KLHL6: variants seen among roughly 807,000 people sequenced by gnomAD.
The protein encoded by KLHL6 is kelch-like protein 6.
Under a neutral mutation model 58.6 loss-of-function variants are expected in KLHL6, and 41 were observed. The observed-to-expected ratio is 0.70, with a 90% CI of 0.55 to 0.91. KLHL6 has a LOEUF of 0.91. Ranked by LOEUF, KLHL6 falls within the 40% of genes least tolerant of loss-of-function variation. The pLI, the probability that KLHL6 is intolerant of heterozygous loss-of-function variation, is 0.00. For synonymous variants in KLHL6, 338 were observed against 322.7 expected (o/e 1.05, Z -0.51); for missense variants, 714 against 805.6 (o/e 0.89, Z 1.38).
chr3:183,530,309 T>A (rs560295406), intron 1 of KLHL6, among the ~76,000 whole-genome samples: 2 of 152,200 alleles, frequency 1.3e-5, no homozygotes, highest in African/African-American at 4.8e-5. Context: ...ATATGGGCAT[T>A]AAAGATCATT....
chr3:183,491,896 C>CG lies in KLHL6; in HGVS notation c.*30dup, dbSNP rs761809848. 52 of 1,453,792 alleles carry CG rather than the reference C, an allele frequency of 3.6e-5. 1 individual carries two copies. The highest frequency in any genetic ancestry group is 8.9e-5 in the South Asian group (6 of 67,156). The allele number at this position is 1,453,792 out of a possible 1,614,324, so 90.1% of individuals were successfully genotyped here. ...GAGGTGAGGCGGGTACGCTGAGGGT[C>CG]GGGGGGGCTCTCCAGCTCCCCATCC... is the stretch of plus-strand genomic sequence containing the variant. On this transcript the variant is annotated 3_prime_UTR_variant, in exon 7 of 7. Transcript: ENST00000341319.
At chr3:183,497,572 T>G (rs2971457) in intron 4 of KLHL6, among the ~76,000 whole-genome samples, 32,400 of 152,132 alleles carry the variant, frequency 0.21, 3,655 homozygotes, top group Middle Eastern at 0.3. Flanking sequence ...ATGTGGCTAG[T>G]TTTTGCCAAT....
chr3:183,504,599 T>G (rs1717953283), intron 3 of KLHL6, among the ~76,000 whole-genome samples: 1 of 152,240 alleles, frequency 6.6e-6, no homozygotes. Flanking sequence ...CATCTGCATT[T>G]CAAGGACTTA....
In KLHL6 at chr3:183,499,931, T is replaced by G; in HGVS notation, c.910-104A>C. 2 of 758,062 alleles carry G rather than the reference T, an allele frequency of 2.6e-6. No individual in the cohort carries two copies. The highest frequency in any genetic ancestry group is 4.1e-6 in the Non-Finnish European group (2 of 486,192). 47.0% of individuals were successfully genotyped at this position (758,062 alleles called of 1,614,324 possible). A position where few individuals can be genotyped will look rare whatever the true frequency, so the allele number is the denominator to read the frequency against. ...GGTCCAATTCCCATATCTGCCACGGTATGACCATGTGACTTCACCTCCCTG... is the reference window on the plus strand; with the variant it reads ...GGTCCAATTCCCATATCTGCCACGGGATGACCATGTGACTTCACCTCCCTG... On this transcript the variant is annotated intron_variant, in intron 3 of 6. Coordinates refer to ENST00000341319, the MANE Select transcript of KLHL6 (RefSeq NM_130446.4). This position sits in a 1 kb window ranked among gnomAD's most constrained non-coding sequence, Gnocchi z 4.6.
At chr3:183,518,919 AG>A (rs1711645229) in intron 2 of KLHL6, among the ~76,000 whole-genome samples, 2 of 152,186 alleles carry the variant, frequency 1.3e-5, no homozygotes, top group Admixed American at 6.5e-5. Flanking sequence ...AGTGAGAAGC[AG>A]GGGTGGGTTC....
rs75695899 is a variant in KLHL6 at position 183,540,359 on chromosome 3, C to T, written c.294-12349G>A. Among the ~76,000 whole-genome samples, 1,136 of 152,272 alleles carry T rather than the reference C, an allele frequency of 7.5e-3. 5 individuals carry two copies. Among genetic ancestry groups the T allele is most frequent in the Non-Finnish European group, 0.011 (774 of 68,032 alleles). ...GGAGAGAGAAACTGAGTCATGGTAACATTACTTTGGGCACAAGGACCCAAC... is the reference window on the plus strand; with the variant it reads ...GGAGAGAGAAACTGAGTCATGGTAATATTACTTTGGGCACAAGGACCCAAC... On this transcript the variant is annotated intron_variant, in intron 1 of 6. Transcript: ENST00000341319.
chr3:183,492,112 A>G lies in KLHL6; in HGVS notation c.1681T>C (p.Tyr561His). ...TTCTCGTCCCGCCCGCCGGTGATGT[A>G]GAGCCGGTTGTTGCAGGGCGCGATA... ...CGIAPCNNRLYITGGRDEKNE... is the reference protein window; with the variant it reads ...CGIAPCNNRLHITGGRDEKNE... Residue 561 changes from tyrosine to histidine, a missense_variant, in exon 7 of 7, where the codon TAC (tyrosine) becomes CAC (histidine). Coordinates refer to ENST00000341319, the MANE Select transcript of KLHL6 (RefSeq NM_130446.4). The surrounding 1 kb of genome is among the most constrained non-coding windows in gnomAD (Gnocchi z 5.9). 6.2e-7 allele frequency: 1 copy of G among 1,613,882 alleles called. No homozygotes were observed. Among genetic ancestry groups the G allele is most frequent in the Middle Eastern group, 1.7e-4 (1 of 6,060 alleles).
intron 1 of KLHL6, among the ~76,000 whole-genome samples, chr3:183,530,583 C>T (rs558018917): frequency 6.6e-6 from 1 of 152,066 alleles, no homozygotes; most frequent in Admixed American, 6.6e-5. Flanking sequence ...CAAAAGGGAA[C>T]CAAAAATTAA....
At chr3:183,494,519 G>A (rs951641702) in intron 4 of KLHL6, among the ~76,000 whole-genome samples, 2 of 152,266 alleles carry the variant, frequency 1.3e-5, no homozygotes, top group African/African-American at 2.4e-5. Context: ...TCAGTGCTGC[G>A]AGAGTTCAGA....
rs747236130 is a variant in KLHL6, at chr3:183,508,411, AG to A, written c.556del (p.Leu186TrpfsTer4). 1.2e-6 allele frequency: 2 copies of A among 1,614,142 alleles called. No homozygotes were observed. The highest frequency in any genetic ancestry group is 2.7e-5 in the African/African-American group (2 of 74,944). ...GILRLADTHS[L>X]DSLKKQVQSY... ...CTGAACCTGCTTCTTTAGACTGTCC[AG>A]CGAGTGTGTGTCAGCCAGCCTCAGT... On this transcript the variant is annotated frameshift_variant, in exon 3 of 7. Transcript: ENST00000341319. LOFTEE classifies it high-confidence loss of function.
At chr3:183,544,410 A>T (rs950049075) in intron 1 of KLHL6, among the ~76,000 whole-genome samples, 1 of 152,134 alleles carries the variant, frequency 6.6e-6, no homozygotes, top group Non-Finnish European at 1.5e-5. Context: ...CATAAAACAC[A>T]AAACAGTAAC....
At position 183,555,489 on chromosome 3, in the gene KLHL6, G is replaced by C. The variant is rs776376674; in HGVS notation, c.165C>G (p.Ser55=). Residue 55 remains serine (S), a synonymous_variant, in exon 1 of 7, where the codon TCC becomes TCG. Coordinates refer to ENST00000341319, the MANE Select transcript of KLHL6 (RefSeq NM_130446.4). ...TTTCCAGGCCATTCTGAAGAATTAA[G>C]GAGAGTCCCGCGTCGTCAAATTTGA... ...EKVKFDDAGL[S]LILQNGLETL... The C allele has an allele frequency of 6.2e-7, 1 of 1,614,046 alleles. No individual in the cohort carries two copies. The highest frequency in any genetic ancestry group is 2.2e-5 in the East Asian group (1 of 44,886).
At chr3:183,519,883 A>T (rs1407202955) in intron 2 of KLHL6, among the ~76,000 whole-genome samples, 1 of 140,230 alleles carries the variant, frequency 7.1e-6, no homozygotes, top group African/African-American at 2.6e-5. Flanking sequence ...GTGACACACC[A>T]AAACCCTGTC....
chr3:183,503,649 C>T lies in KLHL6; in HGVS notation c.910-3822G>A, dbSNP rs972471060. Among the ~76,000 whole-genome samples the T allele has an allele frequency of 2.6e-5, 4 of 152,244 alleles. No individual in the cohort carries two copies. In the East Asian group the frequency reaches 7.7e-4, roughly 29 times the overall value. ...ACAAACTTAGCCAGGGGTGGTGGCA[C>T]ATGCCTGTAATCCCATCTACTCAGG... On this transcript the variant is annotated intron_variant, in intron 3 of 6. Coordinates refer to ENST00000341319, the MANE Select transcript of KLHL6 (RefSeq NM_130446.4).
chr3:183,507,356 G>T (rs912644605), intron 3 of KLHL6, among the ~76,000 whole-genome samples: 25 of 152,290 alleles, frequency 1.6e-4, no homozygotes, highest in African/African-American at 4.3e-4. Flanking sequence ...ACCAGAGTGG[G>T]CAAGGAAGAG....
rs1026945592 is a variant in KLHL6 at position 183,513,239 on chromosome 3, A to T, written c.460-4731T>A. ...TACATACTAACTGTAAGAGTTACTC[A>T]ATCCTCACCACAATGCCATGAAAAG... is the stretch of plus-strand genomic sequence containing the variant. On this transcript the variant is annotated intron_variant, in intron 2 of 6. Coordinates refer to ENST00000341319, the MANE Select transcript of KLHL6 (RefSeq NM_130446.4). Among the ~76,000 whole-genome samples, 3 of 152,366 alleles carry T rather than the reference A, an allele frequency of 2.0e-5. No homozygotes were observed. In the South Asian group the frequency reaches 6.2e-4, roughly 32 times the overall value.
chr3:183,555,361 C>A lies in KLHL6; in HGVS notation c.293G>T (p.Arg98Met). The A allele has an allele frequency of 6.2e-7, 1 of 1,613,598 alleles. No homozygotes were observed. The highest frequency in any genetic ancestry group is 8.5e-7 in the Non-Finnish European group (1 of 1,179,656). ...TGACTCTGGTCCTAGGCATGCTGAC[C>A]TGAAATAGTTGCTGGCTGCGGCAAG... The part of the protein sequence containing the change: ...VVLAAASNYF[R>M]AMFCNDLKEK... Residue 98 changes from arginine (R) to methionine (M), a missense_variant and splice_region_variant, in exon 1 of 7, where the codon AGG becomes ATG. Coordinates refer to ENST00000341319, the MANE Select transcript of KLHL6 (RefSeq NM_130446.4).
rs1234574004 is a variant in KLHL6 at position 183,527,754 on chromosome 3, C to T, written c.459+91G>A. 7.4e-6 allele frequency: 8 copies of T among 1,076,092 alleles called. No homozygotes were observed. In the East Asian group the frequency reaches 1.7e-4, roughly 24 times the overall value. 66.7% of individuals were successfully genotyped at this position (1,076,092 alleles called of 1,614,324 possible). On this transcript the variant is annotated intron_variant, in intron 2 of 6. Coordinates refer to ENST00000341319, the MANE Select transcript of KLHL6 (RefSeq NM_130446.4). ...TGTGTGTGTGTCCATGTCCCAGGTA[C>T]AGGCCTGGGAGCTAGACCAGGTCTG...
intron 1 of KLHL6, among the ~76,000 whole-genome samples, chr3:183,546,547 G>T (rs1577204554): frequency 6.6e-6 from 1 of 152,178 alleles, no homozygotes; most frequent in East Asian, 1.9e-4. Flanking sequence ...CCTGGCCCCT[G>T]TCTAGCCTCC....
Sources: gnomAD v4.1 joint callset for allele counts (sites outside exome capture counted in the v4.1 genomes callset) on GRCh38, gnomAD v4.1.1 for gene constraint, Gnocchi (gnomAD v3.1) non-coding constraint, MANE v1.5 for transcripts, NCBI Gene and HGNC (gene_info 2026-07-23, HGNC 2026-07-21) for gene names.